Variants in PRKN observed in about 807,000 individuals in gnomAD.
PRKN encodes the protein parkin RBR E3 ubiquitin protein ligase, also known as E3 ubiquitin-protein ligase parkin.
PRKN carries 56 observed loss-of-function variants against 59.5 expected under a neutral mutation model. That is an observed-to-expected ratio of 0.94 (90% confidence interval 0.76 to 1.18). PRKN has a LOEUF of 1.18. PRKN is among the 50% of genes most tolerant of loss of function. The probability of loss-of-function intolerance (pLI) is 0.00; values close to 1 mark genes in which losing one functional copy is unlikely to be tolerated. For missense variants in PRKN, 657 were observed against 596.4 expected, an observed-to-expected ratio of 1.10 and a Z score of -1.06; for synonymous variants, 250 against 222.1, an observed-to-expected ratio of 1.13 and a Z score of -1.12.
At chr6:162,192,569 C>T (rs1784329377) in intron 4 of PRKN, among the ~76,000 whole-genome samples, 1 of 148,176 alleles carries the variant, frequency 6.7e-6, no homozygotes, top group Admixed American at 6.8e-5. Context: ...CCACCTGCCT[C>T]GGTCTCCCAA....
At chr6:161,404,835 C>T (rs1173904160) in intron 9 of PRKN, among the ~76,000 whole-genome samples, 3 of 152,144 alleles carry the variant, frequency 2.0e-5, no homozygotes, top group Non-Finnish European at 2.9e-5. Flanking sequence ...CCCTTTATTG[C>T]TACAGAGAAC....
intron 6 of PRKN, among the ~76,000 whole-genome samples, chr6:161,878,183 C>T (rs547387408): frequency 2.6e-5 from 4 of 152,022 alleles, no homozygotes; most frequent in Non-Finnish European, 5.9e-5. Flanking sequence ...TGATTACAAC[C>T]GATGAGTTGC....
At chr6:161,643,906 T>C (rs992552419) in intron 7 of PRKN, among the ~76,000 whole-genome samples, 1 of 152,248 alleles carries the variant, frequency 6.6e-6, no homozygotes, top group Non-Finnish European at 1.5e-5. Flanking sequence ...TTAGCATTGA[T>C]TGAATGTCTG....
chr6:162,038,287 T>C (rs559770393), intron 5 of PRKN, among the ~76,000 whole-genome samples: 9 of 152,272 alleles, frequency 5.9e-5, no homozygotes, highest in African/African-American at 1.9e-4. Context: ...GTGTAGGAAT[T>C]ATGGCAAATT....
At chr6:161,628,496 T>A (rs757389698) in intron 7 of PRKN, among the ~76,000 whole-genome samples, 1 of 152,192 alleles carries the variant, frequency 6.6e-6, no homozygotes, top group Non-Finnish European at 1.5e-5. Context: ...AAGTCCCATC[T>A]CCTAATACCA....
chr6:161,707,575 A>C (rs13206130), intron 7 of PRKN, among the ~76,000 whole-genome samples: 63,788 of 152,082 alleles, frequency 0.42, 13,912 homozygotes, highest in Admixed American at 0.61. Context: ...TTTAAATGTC[A>C]CACTTTGAAC....
At chr6:162,587,022 T>C (rs191008436) in intron 1 of PRKN, among the ~76,000 whole-genome samples, 1 of 152,280 alleles carries the variant, frequency 6.6e-6, no homozygotes, top group Non-Finnish European at 1.5e-5. Context: ...CAGATCCAAG[T>C]GGAAGAAGGC....
At chr6:161,792,350 A>G (rs76684635) in intron 6 of PRKN, among the ~76,000 whole-genome samples, 3,737 of 152,278 alleles carry the variant, frequency 0.025, 152 homozygotes, top group African/African-American at 0.086. Context: ...GCATTTGAAA[A>G]ACGGTCAGGA....
chr6:161,837,012 C>T (rs1175334539), intron 6 of PRKN, among the ~76,000 whole-genome samples: 1 of 152,172 alleles, frequency 6.6e-6, no homozygotes, highest in Non-Finnish European at 1.5e-5. Flanking sequence ...CACCCAGCAG[C>T]TCACACTATA....
intron 2 of PRKN, among the ~76,000 whole-genome samples, chr6:162,391,519 C>T (rs527811027): frequency 4.6e-5 from 7 of 150,942 alleles, no homozygotes; most frequent in African/African-American, 9.8e-5. Flanking sequence ...GCATGCTTGA[C>T]GTGGATTTCG....
chr6:161,621,554 G>C (rs1036335284), intron 7 of PRKN, among the ~76,000 whole-genome samples: 8 of 151,992 alleles, frequency 5.3e-5, no homozygotes, highest in African/African-American at 1.7e-4. Context: ...AGCCTGAATG[G>C]GGCCCGTCCA....
intron 3 of PRKN, among the ~76,000 whole-genome samples, chr6:162,257,321 C>CA: frequency 6.6e-6 from 1 of 151,596 alleles, no homozygotes; most frequent in Middle Eastern, 3.4e-3. Context: ...TTCTCAAAAG[C>CA]AAAAAATTCT....
chr6:162,717,411 T>C (rs1778771286), intron 1 of PRKN, among the ~76,000 whole-genome samples: 1 of 151,714 alleles, frequency 6.6e-6, no homozygotes, highest in Non-Finnish European at 1.5e-5. Flanking sequence ...ATCCTGTCTC[T>C]ACAAAAAATA....
chr6:161,763,961 T>A (rs1299150248), intron 7 of PRKN, among the ~76,000 whole-genome samples: 1 of 152,116 alleles, frequency 6.6e-6, no homozygotes, highest in African/African-American at 2.4e-5. Context: ...AGTATTCTTT[T>A]AAAAATGCAG....
chr6:161,743,764 G>A (rs952474908), intron 7 of PRKN, among the ~76,000 whole-genome samples: 1 of 152,180 alleles, frequency 6.6e-6, no homozygotes, highest in Non-Finnish European at 1.5e-5. Context: ...ACATGCATAT[G>A]TTAATGAGTA....
intron 9 of PRKN, among the ~76,000 whole-genome samples, chr6:161,479,170 T>G (rs1791267985): frequency 1.3e-5 from 2 of 152,168 alleles, no homozygotes; most frequent in Admixed American, 1.3e-4. Flanking sequence ...ATGATTGTTG[T>G]GTGGTAGGTG....
intron 9 of PRKN, among the ~76,000 whole-genome samples, chr6:161,490,314 TTGCTTGCTTG>T (rs1777501658): frequency 1.1e-4 from 3 of 26,672 alleles, no homozygotes; most frequent in Non-Finnish European, 4.8e-4. Flanking sequence ...TCTTTCTTGC[TTGCTTGCTTG>T]CTTGCTTGCT....
At chr6:161,863,088 T>G (rs114748781) in intron 6 of PRKN, among the ~76,000 whole-genome samples, 1,623 of 152,284 alleles carry the variant, frequency 0.011, 36 homozygotes, top group African/African-American at 0.036. Context: ...AAACCTCAAT[T>G]GAAAGAGAGG....
chr6:161,952,946 T>C (rs1562414598), intron 6 of PRKN, among the ~76,000 whole-genome samples: 1 of 152,110 alleles, frequency 6.6e-6, no homozygotes, highest in African/African-American at 2.4e-5. Context: ...GTCAATCAAG[T>C]TAATAGCCCA....
Sources: gnomAD v4.1 joint callset for allele counts (sites outside exome capture counted in the v4.1 genomes callset) on GRCh38, gnomAD v4.1.1 for gene constraint, MANE v1.5 for transcripts, NCBI Gene and HGNC (gene_info 2026-07-23, HGNC 2026-07-21) for gene names.